The following ARFGEF1 variants were observed in gnomAD, a reference collection of about 807,000 sequenced individuals.
ARFGEF1 encodes ARF guanine nucleotide exchange factor 1.
Under a neutral mutation model 231.0 loss-of-function variants are expected in ARFGEF1, and 42 were observed. The ratio of observed to expected loss-of-function variants is 0.18; its 90% CI spans 0.14 to 0.24. The LOEUF is 0.24. ARFGEF1 is among the 10% of genes least tolerant of loss of function. The pLI is 1.00. For missense variants in ARFGEF1, 1,345 were observed against 2,192.0 expected (o/e 0.61, Z 7.72); for synonymous variants, 710 against 732.3 (o/e 0.97, Z 0.49).
chr8:67,262,771 G>T (rs1804688344), intron 14 of ARFGEF1, among the ~76,000 whole-genome samples: 1 of 152,116 alleles, frequency 6.6e-6, no homozygotes, highest in Non-Finnish European at 1.5e-5. Context: ...AGCTCAGATG[G>T]TTACTAGTAT....
intron 1 of ARFGEF1, among the ~76,000 whole-genome samples, chr8:67,307,333 G>A (rs2128919322): frequency 6.6e-6 from 1 of 152,284 alleles, no homozygotes; most frequent in Middle Eastern, 3.4e-3. Flanking sequence ...TTTGAGCCAA[G>A]TCTGAAGAAT....
intron 9 of ARFGEF1, 146 bp from the exon 10 acceptor site, chr8:67,272,082 A>C (rs1805119454): frequency 1.7e-6 from 1 of 603,024 alleles, no homozygotes; most frequent in East Asian, 2.8e-5. Context: ...TATAACATAA[A>C]AAAAGTACAG....
chr8:67,240,099 C>A, intron 20 of ARFGEF1, 63 bp downstream of exon 20: 1 of 1,558,514 alleles, frequency 6.4e-7, no homozygotes, highest in Non-Finnish European at 8.6e-7. Context: ...GTAATTTAAA[C>A]TATTGTAATG....
intron 36 of ARFGEF1, among the ~76,000 whole-genome samples, chr8:67,202,809 T>C (rs948098046): frequency 1.3e-5 from 2 of 152,126 alleles, no homozygotes; most frequent in African/African-American, 4.8e-5. Flanking sequence ...CCAATGAGTA[T>C]CAACAAGAAG....
intron 7 of ARFGEF1, 27 bp from the exon 8 acceptor site, chr8:67,277,484 C>T: frequency 6.3e-7 from 1 of 1,592,248 alleles, no homozygotes; most frequent in Non-Finnish European, 8.6e-7. Flanking sequence ...AAAAACCATG[C>T]AAATATATCT....
chr8:67,222,176 TATAC>T (rs1839192779), intron 29 of ARFGEF1, among the ~76,000 whole-genome samples: 1 of 108,658 alleles, frequency 9.2e-6, no homozygotes, highest in Non-Finnish European at 1.8e-5. Flanking sequence ...TATATATATA[TATAC>T]ACATATATAT....
chr8:67,263,814 C>G lies in ARFGEF1; in HGVS notation c.2123+2192G>C, dbSNP rs555817903. ...AAACTGTGACAAATAGATGTATTCA[C>G]AAGGTAAGAAAATAACACAGTAGAA... On this transcript the variant is annotated intron_variant, in intron 14 of 38. Transcript: ENST00000262215. 2.0e-5 allele frequency among the ~76,000 whole-genome samples: 3 copies of G among 152,144 alleles called. No individual in the cohort carries two copies. The South Asian group carries it at 6.2e-4, about 32-fold the overall frequency.
chr8:67,198,669 T>C lies in ARFGEF1; in HGVS notation c.*265A>G. The C allele has an allele frequency of 8.6e-7, 1 of 1,161,054 alleles. No individual in the cohort carries two copies. The highest frequency in any genetic ancestry group is 1.1e-6 in the Non-Finnish European group (1 of 941,614). 71.9% of individuals were successfully genotyped at this position (1,161,054 alleles called of 1,614,324 possible). A position where few individuals can be genotyped will look rare whatever the true frequency, so the allele number is the denominator to read the frequency against. On this transcript the variant is annotated 3_prime_UTR_variant, in exon 39 of 39. Transcript: ENST00000262215. The stretch of plus-strand genomic sequence containing the variant: ...CAAAAACGTGGGGCTTTTCCTGCCG[T>C]GGAAGACAGGGAAGGACCCGTGAGC...
At chr8:67,262,391 A>AC (rs1357712869) in intron 14 of ARFGEF1, among the ~76,000 whole-genome samples, 1 of 152,220 alleles carries the variant, frequency 6.6e-6, no homozygotes, top group Non-Finnish European at 1.5e-5. Flanking sequence ...TCTTATAGAC[A>AC]AGTGAAAACA....
Position 67,267,115 on chromosome 8 carries a change from T to C in ARFGEF1, c.1788A>G (p.Gln596=), listed in dbSNP as rs138242444. ...CCTGAACATTACTCATACCAAGTTC[T>C]TGACTGCCCCTTCCTTGAGCAATTT... is the stretch of plus-strand genomic sequence containing the variant. ...LSKIAQGRGS[Q]ELGMSNVQEL... Residue 596 remains glutamine, a synonymous_variant, in exon 12 of 39, where the codon CAA becomes CAG. Coordinates refer to ENST00000262215, the MANE Select transcript of ARFGEF1 (RefSeq NM_006421.5). The C allele has an allele frequency of 7.4e-6, 12 of 1,613,050 alleles. No homozygotes were observed. Among genetic ancestry groups the C allele is most frequent in the Middle Eastern group, 1.6e-4 (1 of 6,078 alleles).
intron 1 of ARFGEF1, among the ~76,000 whole-genome samples, chr8:67,316,516 A>G (rs1807324245): frequency 6.6e-6 from 1 of 151,326 alleles, no homozygotes. Context: ...GCTGGAGTGC[A>G]GTGGCGCAAT....
chr8:67,183,471 A>C (rs1833550356), intron 5 of ARFGEF1, among the ~76,000 whole-genome samples: 1 of 152,250 alleles, frequency 6.6e-6, no homozygotes, highest in Admixed American at 6.5e-5. Context: ...AATGGAAATA[A>C]ACTAGAAATC....
chr8:67,300,661 A>C (rs1315174474), intron 3 of ARFGEF1, among the ~76,000 whole-genome samples: 1 of 35,744 alleles, frequency 2.8e-5, no homozygotes, highest in East Asian at 6.1e-4. Context: ...TTGTCTCTTC[A>C]AAAAAAAAAA....
At chr8:67,272,298 C>T (rs1321150625) in intron 9 of ARFGEF1, among the ~76,000 whole-genome samples, 1 of 152,086 alleles carries the variant, frequency 6.6e-6, no homozygotes, top group Non-Finnish European at 1.5e-5. Context: ...TCCCAAGTAG[C>T]TGGGACTACA....
At chr8:67,333,478 T>C (rs1808200869) in intron 1 of ARFGEF1, among the ~76,000 whole-genome samples, 1 of 151,992 alleles carries the variant, frequency 6.6e-6, no homozygotes, top group Non-Finnish European at 1.5e-5. Context: ...AGTAATTTTT[T>C]TTTTTTAGTA....
chr8:67,215,521 C>T (rs1838896475), intron 33 of ARFGEF1, among the ~76,000 whole-genome samples: 1 of 152,124 alleles, frequency 6.6e-6, no homozygotes, highest in African/African-American at 2.4e-5. Context: ...CAGGTAAACC[C>T]TAAATCCAAT....
intron 36 of ARFGEF1, among the ~76,000 whole-genome samples, chr8:67,202,101 A>G (rs1838351302): frequency 6.6e-6 from 1 of 152,222 alleles, no homozygotes; most frequent in Non-Finnish European, 1.5e-5. Flanking sequence ...GTTGTAAAGG[A>G]AAGAGAATGG....
At chr8:67,220,931 T>C (rs1448188042) in intron 29 of ARFGEF1, among the ~76,000 whole-genome samples, 2 of 150,982 alleles carry the variant, frequency 1.3e-5, no homozygotes, top group Non-Finnish European at 2.9e-5. Flanking sequence ...ACTTAAGTAG[T>C]TGGTATAGGG....
At chr8:67,249,902 G>A (rs1840223119) in intron 19 of ARFGEF1, among the ~76,000 whole-genome samples, 1 of 152,216 alleles carries the variant, frequency 6.6e-6, no homozygotes, top group Non-Finnish European at 1.5e-5. Flanking sequence ...GAATACAGGC[G>A]TAAGCCACCG....
Sources: gnomAD v4.1 joint callset for allele counts (sites outside exome capture counted in the v4.1 genomes callset) on GRCh38, gnomAD v4.1.1 for gene constraint, MANE v1.5 for transcripts, NCBI Gene and HGNC (gene_info 2026-07-23, HGNC 2026-07-21) for gene names.